SPG11: variants seen among roughly 807,000 people sequenced by gnomAD.
The protein encoded by SPG11 is spatacsin.
A neutral mutation model predicts 274.0 loss-of-function variants in SPG11; 222 were observed. The ratio of observed to expected loss-of-function variants is 0.81; its 90% CI spans 0.73 to 0.91. SPG11 has a LOEUF of 0.91. SPG11 is among the 40% of genes least tolerant of loss of function. SPG11 has a pLI of 0.00. For missense variants in SPG11, 3,114 were observed against 2,872.7 expected (o/e 1.08, Z -1.92); for synonymous variants, 1,144 against 1,039.7 (o/e 1.10, Z -1.93).
chr15:44,625,690 A>G (rs1054368957), intron 11 of SPG11, among the ~76,000 whole-genome samples: 1 of 151,896 alleles, frequency 6.6e-6, no homozygotes, highest in African/African-American at 2.4e-5. Flanking sequence ...TTATTTAGTT[A>G]CTTTTTGAGA....
Position 44,565,954 on chromosome 15 carries a change from A to C in SPG11, c.6899T>G (p.Leu2300Arg), listed in dbSNP as rs371334506. The C allele has an allele frequency of 9.3e-6, 15 of 1,614,004 alleles. No individual in the cohort carries two copies. Among genetic ancestry groups the C allele is most frequent in the African/African-American group, 1.3e-5 (1 of 75,028 alleles). ...GCCAGTGTTCAGAAAGTGAATCTGC[A>C]GAGTTATCAACTTGGTGAGCCGCTG... Reference protein sequence around the residue: ...HCQRLTKLITLQIHFLNTGQN... With the variant: ...HCQRLTKLITRQIHFLNTGQN... Residue 2300 changes from leucine to arginine, a missense_variant, in exon 38 of 40, where the codon CTG (leucine) becomes CGG (arginine). Transcript: ENST00000261866.
In SPG11 at chr15:44,651,844, T is replaced by C. The variant is rs151226459; in HGVS notation, c.1103A>G (p.His368Arg). Reference sequence around the variant, plus strand: ...GTTACCAGATTCAGGTGACTCCAAATGCAAAATATCCTGGAACCATGGAGC... The same window carrying C: ...GTTACCAGATTCAGGTGACTCCAAACGCAAAATATCCTGGAACCATGGAGC... ...CCAPWFQDIL[H>R]LESPESGNHS... Residue 368 changes from histidine to arginine, a missense_variant, in exon 6 of 40, where the codon CAT (histidine) becomes CGT (arginine). By Grantham distance (29) the His-to-Arg change is conservative. Coordinates refer to ENST00000261866, the MANE Select transcript of SPG11 (RefSeq NM_025137.4). 11 of 1,613,900 alleles carry C rather than the reference T, an allele frequency of 6.8e-6. No individual in the cohort carries two copies. The highest frequency in any genetic ancestry group is 1.1e-5 in the South Asian group (1 of 91,088).
intron 3 of SPG11, among the ~76,000 whole-genome samples, chr15:44,658,518 G>GT (rs2141124274): frequency 6.6e-6 from 1 of 151,464 alleles, no homozygotes; most frequent in South Asian, 2.1e-4. Flanking sequence ...GAGTGCAGTG[G>GT]TACGATCTTG....
In SPG11 at chr15:44,583,766, C is replaced by T. The variant is rs755053832; in HGVS notation, c.5866+48G>A. The T allele has an allele frequency of 2.4e-5, 38 of 1,613,114 alleles. No homozygotes were observed. In the Middle Eastern group the frequency reaches 6.6e-4, roughly 28 times the overall value. On this transcript the variant is annotated intron_variant, in intron 30 of 39. Coordinates refer to ENST00000261866, the MANE Select transcript of SPG11 (RefSeq NM_025137.4). The stretch of plus-strand genomic sequence containing the variant: ...GGTCCCTTCCTTCTTGGAGACAGTG[C>T]TAACAGTGCCATTTAAGACTCTGGG...
intron 6 of SPG11, 64 bp downstream of exon 6, chr15:44,651,427 T>A: frequency 1.4e-6 from 2 of 1,439,634 alleles, no homozygotes; most frequent in Non-Finnish European, 1.9e-6. Context: ...GAGGCAGAAG[T>A]AAAATACAGT....
At chr15:44,564,075 C>T (rs150510077) in intron 39 of SPG11, among the ~76,000 whole-genome samples, 5 of 152,250 alleles carry the variant, frequency 3.3e-5, no homozygotes, top group Admixed American at 3.3e-4. Flanking sequence ...CTTACTGCAG[C>T]CTCTGTCCCC....
At chr15:44,632,942 A>G (rs1038468491) in intron 8 of SPG11, among the ~76,000 whole-genome samples, 3 of 152,182 alleles carry the variant, frequency 2.0e-5, no homozygotes, top group African/African-American at 7.2e-5. Context: ...TGAATTTGAA[A>G]GATTGCCTCT....
chr15:44,633,478 A>C, intron 8 of SPG11, 27 bp downstream of exon 8: 1 of 1,549,076 alleles, frequency 6.5e-7, no homozygotes. Flanking sequence ...TGATAAATAC[A>C]AATGTAGAAA....
chr15:44,572,260 C>G (rs1188827695), intron 33 of SPG11, among the ~76,000 whole-genome samples: 3 of 152,278 alleles, frequency 2.0e-5, no homozygotes, highest in South Asian at 4.1e-4. Context: ...GAGAACTTAT[C>G]ACACATTCTA....
intron 18 of SPG11, among the ~76,000 whole-genome samples, chr15:44,610,166 G>C (rs146673595): frequency 0.013 from 1,899 of 151,866 alleles, 49 homozygotes; most frequent in African/African-American, 0.044. Context: ...GCCTCCCAAA[G>C]TGCTGGGATT....
Position 44,564,708 on chromosome 15 carries a change from A to T in SPG11, c.7000-10T>A. On this transcript the variant is annotated splice_polypyrimidine_tract_variant and intron_variant, in intron 38 of 39. Transcript: ENST00000261866. ...CAGCCACAATAGAAGCCTTAAAAGG[A>T]GAGGTGAAGAAGGACACCATCAGAG... The T allele has an allele frequency of 6.2e-7, 1 of 1,614,146 alleles. No individual in the cohort carries two copies. The highest frequency in any genetic ancestry group is 1.1e-5 in the South Asian group (1 of 91,082).
Position 44,583,763 on chromosome 15 carries a change from G to A in SPG11, c.5866+51C>T, listed in dbSNP as rs2082700535. 2.5e-6 allele frequency: 4 copies of A among 1,612,366 alleles called. No individual in the cohort carries two copies. The African/African-American group carries it at 5.3e-5, about 22-fold the overall frequency. The stretch of plus-strand genomic sequence containing the variant: ...AAGGGTCCCTTCCTTCTTGGAGACA[G>A]TGCTAACAGTGCCATTTAAGACTCT... On this transcript the variant is annotated intron_variant, in intron 30 of 39. Coordinates refer to ENST00000261866, the MANE Select transcript of SPG11 (RefSeq NM_025137.4).
At position 44,575,168 on chromosome 15, in the gene SPG11, G is replaced by C. The variant is rs550301632; in HGVS notation, c.5867-127C>G. The C allele has an allele frequency of 5.9e-6, 7 of 1,181,796 alleles. 1 individual carries two copies. In the South Asian group the frequency reaches 9.5e-5, roughly 16 times the overall value. 73.2% of individuals were successfully genotyped at this position (1,181,796 alleles called of 1,614,324 possible). On this transcript the variant is annotated intron_variant, in intron 30 of 39. Transcript: ENST00000261866. ...ACTCCCATTACTCTGACTGGGGATA[G>C]GACCACTGCTGACAGGGCCCCACCT...
At chr15:44,585,542 C>T (rs2082740727) in intron 29 of SPG11, 94 bp downstream of exon 29, 2 of 1,011,616 alleles carry the variant, frequency 2.0e-6, no homozygotes, top group Non-Finnish European at 1.5e-6. Context: ...GCGGAGCTTG[C>T]AGCGAGCGGA....
chr15:44,564,744 G>A (rs2082275177), intron 38 of SPG11, 46 bp from the exon 39 acceptor site: 1 of 1,608,146 alleles, frequency 6.2e-7, no homozygotes, highest in African/African-American at 1.3e-5. Flanking sequence ...CCCATCTGAT[G>A]TAAAATCAAA....
intron 30 of SPG11, among the ~76,000 whole-genome samples, chr15:44,583,049 G>A (rs909549278): frequency 2.0e-5 from 3 of 151,870 alleles, no homozygotes; most frequent in African/African-American, 7.3e-5. Flanking sequence ...AGAAATAAAA[G>A]GCATACAGAT....
chr15:44,606,030 A>G lies in SPG11; in HGVS notation c.3515T>C (p.Ile1172Thr), dbSNP rs1268229579. The G allele has an allele frequency of 1.9e-6, 3 of 1,613,562 alleles. No individual in the cohort carries two copies. The highest frequency in any genetic ancestry group is 1.7e-4 in the Middle Eastern group (1 of 6,058). Residue 1172 changes from isoleucine to threonine, a missense_variant, in exon 20 of 40, where the codon ATA becomes ACA. Transcript: ENST00000261866. ...FGWQSANTLA[I>T]GDAWSHLPHF... ...AAGTACCCATGATGACTTACCTCCT[A>G]TAGCTAGTGTGTTAGCAGACTGCCA...
At chr15:44,573,093 TCTC>T (rs2082458108) in intron 32 of SPG11, among the ~76,000 whole-genome samples, 1 of 151,076 alleles carries the variant, frequency 6.6e-6, no homozygotes, top group African/African-American at 2.4e-5. Context: ...TTCAAACGAT[TCTC>T]CTGCCTCAGC....
chr15:44,580,451 C>T (rs1410763390), intron 30 of SPG11, among the ~76,000 whole-genome samples: 3 of 152,082 alleles, frequency 2.0e-5, no homozygotes, highest in African/African-American at 7.2e-5. Flanking sequence ...CAGAAATTAT[C>T]CAATCTGAAC....
Sources: gnomAD v4.1 joint callset for allele counts (sites outside exome capture counted in the v4.1 genomes callset) on GRCh38, gnomAD v4.1.1 for gene constraint, MANE v1.5 for transcripts, NCBI Gene and HGNC (gene_info 2026-07-23, HGNC 2026-07-21) for gene names.